EXPH5: variants seen among roughly 807,000 people sequenced by gnomAD.
EXPH5 encodes the protein exophilin 5.
A neutral mutation model predicts 41.1 loss-of-function variants in EXPH5; 42 were observed. That is an observed-to-expected ratio of 1.02 (90% confidence interval 0.80 to 1.32). EXPH5 has a LOEUF of 1.32. Among genes scored for constraint, EXPH5 ranks in the 40% most tolerant of loss-of-function variants. The pLI, the probability that EXPH5 is intolerant of heterozygous loss-of-function variation, is 0.00. For missense variants in EXPH5, 2,298 were observed against 2,314.5 expected (o/e 0.99, Z 0.15); for synonymous variants, 798 against 833.5 (o/e 0.96, Z 0.73).
chr11:108,529,145 AAGAG>A (rs1010577296), intron 3 of EXPH5, among the ~76,000 whole-genome samples: 2 of 152,120 alleles, frequency 1.3e-5, no homozygotes, highest in East Asian at 1.9e-4. Flanking sequence ...TAAAAAAAAA[AAGAG>A]AGAAAAAAAC....
intron 1 of EXPH5, among the ~76,000 whole-genome samples, chr11:108,549,447 C>G (rs1299935576): frequency 6.6e-6 from 1 of 152,200 alleles, no homozygotes; most frequent in Non-Finnish European, 1.5e-5. Flanking sequence ...CCACCTCCCC[C>G]TCCTCTTCTT....
intron 1 of EXPH5, among the ~76,000 whole-genome samples, chr11:108,586,473 C>T (rs1346069723): frequency 2.4e-5 from 1 of 41,264 alleles, no homozygotes; most frequent in African/African-American, 1.0e-4. Context: ...TCCCCCATCC[C>T]CTTTCCTCCC....
chr11:108,579,365 G>T (rs562667747), intron 1 of EXPH5, among the ~76,000 whole-genome samples: 1 of 151,876 alleles, frequency 6.6e-6, no homozygotes, highest in African/African-American at 2.4e-5. Flanking sequence ...GATGCATCCC[G>T]CCTGATTATA....
rs147768272 is a variant in EXPH5 at position 108,528,046 on chromosome 11, C to T, written c.492+90G>A. 5.9e-3 allele frequency: 4,589 copies of T among 783,660 alleles called. 48 individuals are homozygous for T. Among genetic ancestry groups the T allele is most frequent in the South Asian group, 0.015 (943 of 62,754 alleles). 48.5% of individuals were successfully genotyped at this position (783,660 alleles called of 1,614,324 possible). On this transcript the variant is annotated intron_variant, in intron 4 of 5. Transcript: ENST00000265843. The stretch of plus-strand genomic sequence containing the variant: ...TTCTAAAATAAATTTAAAACTGAGC[C>T]GAGGGGAATACTACTGAAATAGGTA...
intron 1 of EXPH5, among the ~76,000 whole-genome samples, chr11:108,555,407 A>G (rs2093985403): frequency 6.6e-6 from 1 of 152,254 alleles, no homozygotes; most frequent in Non-Finnish European, 1.5e-5. Context: ...TTGAGCATTT[A>G]CTATATATCA....
At chr11:108,600,874 A>G in the EXPH5 span, among the ~76,000 whole-genome samples, 1 of 152,336 alleles carries the variant, frequency 6.6e-6, no homozygotes, top group East Asian at 1.9e-4. Context: ...TGACAAGTTC[A>G]ATGACAAGTA....
In EXPH5 at chr11:108,577,398, T is replaced by C. The variant is rs1294679803; in HGVS notation, c.119+16020A>G. Among the ~76,000 whole-genome samples the C allele has an allele frequency of 2.0e-5, 3 of 152,078 alleles. No homozygotes were observed. In the East Asian group the frequency reaches 5.8e-4, roughly 29 times the overall value. ...TCTGTCTTTTTGATAATAGCCATTT[T>C]ATTTTATTTTATTTTATTTATTTAT... On this transcript the variant is annotated intron_variant, in intron 1 of 5. Transcript: ENST00000265843.
At chr11:108,591,454 A>G (rs2094127414) in intron 1 of EXPH5, among the ~76,000 whole-genome samples, 1 of 152,238 alleles carries the variant, frequency 6.6e-6, no homozygotes, top group Non-Finnish European at 1.5e-5. Context: ...AATTAATCAA[A>G]GGAAAAGACA....
chr11:108,511,705 G>A lies in EXPH5; in HGVS notation c.3802C>T (p.Leu1268Phe). The stretch of plus-strand genomic sequence containing the variant: ...TTAGTATTTTGTGTATACTGTTGAA[G>A]GAGGTTACAGAATTTTTTGCTGGGT... Reference protein sequence around the residue: ...RKPSKKFCNLLQQYTQNTNLL... With the variant: ...RKPSKKFCNLFQQYTQNTNLL... The change falls in exon 6 of 6, where the codon CTT (leucine) becomes TTT (phenylalanine). Residue 1268 changes from leucine (L) to phenylalanine (F), a missense_variant. Coordinates refer to ENST00000265843, the MANE Select transcript of EXPH5 (RefSeq NM_015065.3). 6.2e-7 allele frequency: 1 copy of A among 1,607,952 alleles called. No homozygotes were observed. The highest frequency in any genetic ancestry group is 2.2e-5 in the East Asian group (1 of 44,864).
At chr11:108,552,426 A>G (rs1343047336) in intron 1 of EXPH5, among the ~76,000 whole-genome samples, 1 of 152,168 alleles carries the variant, frequency 6.6e-6, no homozygotes, top group Non-Finnish European at 1.5e-5. Context: ...AAGCTCAGAT[A>G]AGGAAAAGTG....
rs184048945 is a variant in EXPH5, at chr11:108,556,694, C to T, written c.120-14882G>A. Among the ~76,000 whole-genome samples, 556 of 152,238 alleles carry T rather than the reference C, an allele frequency of 3.7e-3. 4 individuals are homozygous for T. The highest frequency in any genetic ancestry group is 0.012 in the African/African-American group (502 of 41,538). On this transcript the variant is annotated intron_variant, in intron 1 of 5. Coordinates refer to ENST00000265843, the MANE Select transcript of EXPH5 (RefSeq NM_015065.3). Reference sequence around the variant, plus strand: ...TTTGCCATGTTGGCCAGGCTGGTCTCGAACTCCTGGCCTCAAGTGATCTGC... The same window carrying T: ...TTTGCCATGTTGGCCAGGCTGGTCTTGAACTCCTGGCCTCAAGTGATCTGC...
intron 3 of EXPH5, among the ~76,000 whole-genome samples, chr11:108,530,587 T>C (rs532400645): frequency 6.6e-6 from 1 of 152,304 alleles, no homozygotes; most frequent in East Asian, 1.9e-4. Context: ...CAGGACTACA[T>C]GCCAGACTGT....
At chr11:108,561,265 T>G (rs186918738) in intron 1 of EXPH5, among the ~76,000 whole-genome samples, 6 of 152,346 alleles carry the variant, frequency 3.9e-5, no homozygotes, top group African/African-American at 1.4e-4. Flanking sequence ...TGATCTTAGA[T>G]TTTAAAAGAC....
At chr11:108,541,905 G>T in intron 1 of EXPH5, 93 bp from the exon 2 acceptor site, 1 of 973,936 alleles carries the variant, frequency 1.0e-6, no homozygotes, top group Non-Finnish European at 1.5e-6. Flanking sequence ...TGATATGGGG[G>T]TCTCATTCTG....
chr11:108,513,973 T>G lies in EXPH5; in HGVS notation c.1534A>C (p.Met512Leu). 3 of 1,610,090 alleles carry G rather than the reference T, an allele frequency of 1.9e-6. No individual in the cohort carries two copies. The highest frequency in any genetic ancestry group is 2.5e-6 in the Non-Finnish European group (3 of 1,178,428). ...ATGGCTGATACACTATTTGCTTCCATGGAAATCATTTCAAAGTCTCTGTCA... is the reference window on the plus strand; with the variant it reads ...ATGGCTGATACACTATTTGCTTCCAGGGAAATCATTTCAAAGTCTCTGTCA... Reference protein sequence around the residue: ...SSDRDFEMISMEANSVSAIHG... With the variant: ...SSDRDFEMISLEANSVSAIHG... The change falls in exon 6 of 6, where the codon ATG (methionine) becomes CTG (leucine). Residue 512 changes from methionine to leucine, a missense_variant. Physicochemically the swap from Met to Leu is conservative, Grantham distance 15. Coordinates refer to ENST00000265843, the MANE Select transcript of EXPH5 (RefSeq NM_015065.3).
chr11:108,512,147 G>A lies in EXPH5; in HGVS notation c.3360C>T (p.Asn1120=), dbSNP rs1390082763. Residue 1120 remains asparagine, a synonymous_variant, in exon 6 of 6, where the codon AAC becomes AAT. Transcript: ENST00000265843. Reference sequence around the variant, plus strand: ...CCCCTGAGGGACATGACATAGCCCTGTTGATGAGGAATGGAAGTGGTCCTT... The same window carrying A: ...CCCCTGAGGGACATGACATAGCCCTATTGATGAGGAATGGAAGTGGTCCTT... ...VRKGPLPFLI[N]RAMSCPSGEP... is the part of the protein sequence containing the mutation. The A allele has an allele frequency of 3.7e-6, 6 of 1,613,168 alleles. No homozygotes were observed. Among genetic ancestry groups the A allele is most frequent in the South Asian group, 2.2e-5 (2 of 90,824 alleles).
intron 1 of EXPH5, among the ~76,000 whole-genome samples, chr11:108,575,726 C>A (rs2094077464): frequency 6.6e-6 from 1 of 152,210 alleles, no homozygotes; most frequent in Non-Finnish European, 1.5e-5. Flanking sequence ...GTAATCCCAG[C>A]ACTTTGGGAG....
chr11:108,585,888 G>T (rs2094111518), intron 1 of EXPH5, among the ~76,000 whole-genome samples: 1 of 152,154 alleles, frequency 6.6e-6, no homozygotes, highest in Non-Finnish European at 1.5e-5. Flanking sequence ...TCCATATAAT[G>T]AAATACTAAA....
chr11:108,535,330 C>G (rs1304854259), intron 3 of EXPH5, among the ~76,000 whole-genome samples: 1 of 152,208 alleles, frequency 6.6e-6, no homozygotes, highest in South Asian at 2.1e-4. Flanking sequence ...CAGGATAAAA[C>G]TTAAAACCAC....
Sources: allele counts gnomAD v4.1 joint callset (sites outside exome capture counted in the v4.1 genomes callset), GRCh38; gene constraint gnomAD v4.1.1; transcripts MANE v1.5; gene names NCBI Gene and HGNC (gene_info 2026-07-23, HGNC 2026-07-21).